BAZ2B: variants seen among roughly 807,000 people sequenced by gnomAD.
The protein encoded by BAZ2B is bromodomain adjacent to zinc finger domain protein 2B.
Under a neutral mutation model 246.0 loss-of-function variants are expected in BAZ2B, and 91 were observed. That is an observed-to-expected ratio of 0.37 (90% CI 0.31 to 0.44). The LOEUF (loss-of-function observed/expected upper bound fraction) is 0.44, where lower values mean the gene tolerates loss of function less well. Ranked by LOEUF, BAZ2B falls within the 20% of genes least tolerant of loss-of-function variation. BAZ2B has a pLI of 1.00. For missense variants in BAZ2B, 2,332 were observed against 2,533.7 expected (o/e 0.92, Z 1.71); for synonymous variants, 855 against 860.0 (o/e 0.99, Z 0.10).
the BAZ2B span, chr2:159,693,826 C>T: frequency 1.3e-5 from 2 of 152,022 alleles, no homozygotes; most frequent in African/African-American, 4.8e-5. Flanking sequence ...TCCTCAGCCT[C>T]TTGAGTAACT....
chr2:159,604,929 A>ATT (rs1578866749), intron 1 of BAZ2B, among the ~76,000 whole-genome samples: 1 of 63,130 alleles, frequency 1.6e-5, no homozygotes, highest in African/African-American at 5.0e-5. Flanking sequence ...AAGTTAATAT[A>ATT]TTTTGTGTGT....
chr2:159,657,351 C>A, the BAZ2B span, among the ~76,000 whole-genome samples: 66 of 152,290 alleles, frequency 4.3e-4, no homozygotes, highest in African/African-American at 1.4e-3. Flanking sequence ...ATCAGTACCA[C>A]ACCGTGTTGA....
the BAZ2B span, among the ~76,000 whole-genome samples, chr2:159,634,977 G>A: frequency 1.3e-5 from 2 of 152,184 alleles, no homozygotes; most frequent in Non-Finnish European, 2.9e-5. Flanking sequence ...TGGCTACAAG[G>A]TGCTACAAAC....
At chr2:159,622,874 G>A in the BAZ2B span, among the ~76,000 whole-genome samples, 2 of 151,430 alleles carry the variant, frequency 1.3e-5, no homozygotes, top group Non-Finnish European at 2.9e-5. Context: ...GTGTGCCCCT[G>A]TAGTCCCAGC....
chr2:159,396,920 C>G, intron 19 of BAZ2B: 3 of 233,356 alleles, frequency 1.3e-5, no homozygotes, highest in Non-Finnish European at 1.4e-5. Flanking sequence ...TATAGACAGA[C>G]AAGCAGATGT....
chr2:159,333,295 C>T (rs1321002478), intron 33 of BAZ2B, among the ~76,000 whole-genome samples: 1 of 151,830 alleles, frequency 6.6e-6, no homozygotes, highest in Non-Finnish European at 1.5e-5. Context: ...AAAATGGATC[C>T]TACAAAATGG....
At chr2:159,316,005 G>A (rs1279155246), downstream of BAZ2B, among the ~76,000 whole-genome samples, 7 of 152,130 alleles carry the variant, frequency 4.6e-5, no homozygotes, top group East Asian at 1.3e-3. Flanking sequence ...AAGATTTATA[G>A]CATAATACAA....
intron 2 of BAZ2B, among the ~76,000 whole-genome samples, chr2:159,553,318 C>G (rs1017985151): frequency 1.4e-5 from 2 of 146,594 alleles, no homozygotes; most frequent in African/African-American, 5.2e-5. Flanking sequence ...TCACCTGAAC[C>G]CAGGAGGCAG....
intron 2 of BAZ2B, among the ~76,000 whole-genome samples, chr2:159,493,793 T>C (rs1041437400): frequency 5.3e-5 from 8 of 152,236 alleles, no homozygotes; most frequent in African/African-American, 1.7e-4. Context: ...AGAATTTTGT[T>C]CTATTTGCAA....
chr2:159,317,296 G>A (rs75997348), downstream of BAZ2B, among the ~76,000 whole-genome samples: 3,690 of 152,286 alleles, frequency 0.024, 66 homozygotes, highest in Non-Finnish European at 0.039. Context: ...AAGGAGCATG[G>A]AGGGGTACAT....
chr2:159,427,495 A>T (rs1262603959), intron 13 of BAZ2B, among the ~76,000 whole-genome samples: 1 of 152,200 alleles, frequency 6.6e-6, no homozygotes, highest in Non-Finnish European at 1.5e-5. Context: ...AAAATGCATC[A>T]TATAGCGTGG....
the BAZ2B span, among the ~76,000 whole-genome samples, chr2:159,671,251 G>A: frequency 1.3e-5 from 2 of 152,062 alleles, no homozygotes; most frequent in Non-Finnish European, 2.9e-5. Context: ...CAGAACTGCT[G>A]ACTTACTGGT....
the BAZ2B span, among the ~76,000 whole-genome samples, chr2:159,696,018 C>T: frequency 6.6e-6 from 1 of 152,232 alleles, no homozygotes; most frequent in Non-Finnish European, 1.5e-5. Flanking sequence ...CCTTAGCCTC[C>T]CAAAGTGCTG....
intron 27 of BAZ2B, among the ~76,000 whole-genome samples, chr2:159,364,294 A>C (rs1388003915): frequency 6.6e-6 from 1 of 152,176 alleles, no homozygotes; most frequent in Non-Finnish European, 1.5e-5. Context: ...CCTATGGCTG[A>C]AAGATTAGAA....
chr2:159,371,146 G>T (rs1280277159), intron 27 of BAZ2B, among the ~76,000 whole-genome samples: 2 of 151,622 alleles, frequency 1.3e-5, no homozygotes, highest in Non-Finnish European at 2.9e-5. Context: ...ATATATGTAT[G>T]TATTTATTTA....
downstream of BAZ2B, among the ~76,000 whole-genome samples, chr2:159,317,451 A>G (rs1374408754): frequency 6.6e-6 from 1 of 152,250 alleles, no homozygotes; most frequent in East Asian, 1.9e-4. Flanking sequence ...GTGTACCTAT[A>G]GACACATCTT....
At chr2:159,712,086 A>T in the BAZ2B span, 1 of 92,224 alleles carries the variant, frequency 1.1e-5, no homozygotes, top group Non-Finnish European at 2.9e-5. Context: ...ACCAAGAGCC[A>T]GAAAAAGAAA....
At chr2:159,366,596 G>C (rs2060240952) in intron 27 of BAZ2B, among the ~76,000 whole-genome samples, 1 of 152,172 alleles carries the variant, frequency 6.6e-6, no homozygotes, top group African/African-American at 2.4e-5. Context: ...ACGAAGCTGA[G>C]GATATGACCA....
intron 6 of BAZ2B, among the ~76,000 whole-genome samples, chr2:159,439,880 T>C (rs2073066375): frequency 6.6e-6 from 1 of 152,126 alleles, no homozygotes. Context: ...ATGAGGTAGA[T>C]AAATATGACG....
Sources: gnomAD v4.1 joint callset for allele counts (sites outside exome capture counted in the v4.1 genomes callset) on GRCh38, gnomAD v4.1.1 for gene constraint, MANE v1.5 for transcripts, NCBI Gene and HGNC (gene_info 2026-07-23, HGNC 2026-07-21) for gene names.